Variants in BMPER observed in about 807,000 individuals in gnomAD.
The protein encoded by BMPER is BMP-binding endothelial regulator protein.
Under a neutral mutation model 87.3 loss-of-function variants are expected in BMPER, and 45 were observed. The observed-to-expected ratio is 0.52, with a 90% CI of 0.41 to 0.66. BMPER has a LOEUF of 0.66. Among genes scored for constraint, BMPER ranks in the 30% least tolerant of loss-of-function variants. BMPER has a pLI of 0.00. For missense variants in BMPER, 784 were observed against 867.5 expected (o/e 0.90, Z 1.21); for synonymous variants, 326 against 316.2 (o/e 1.03, Z -0.33).
In BMPER at chr7:34,115,668, C is replaced by T. The variant is rs186639876; in HGVS notation, c.1746-27562C>T. Among the ~76,000 whole-genome samples the T allele has an allele frequency of 1.4e-3, 220 of 152,344 alleles. 1 individual carries two copies. Among genetic ancestry groups the T allele is most frequent in the Non-Finnish European group, 2.4e-3 (165 of 68,034 alleles). On this transcript the variant is annotated intron_variant, in intron 13 of 14. Transcript: ENST00000649409. ...TCCATATTGTAGCATGTATCAGTAA[C>T]TCAGTCCTTTTCATGGTCAAATAAT...
At chr7:33,960,754 G>C (rs1203189174) in intron 3 of BMPER, among the ~76,000 whole-genome samples, 1 of 152,200 alleles carries the variant, frequency 6.6e-6, no homozygotes, top group Non-Finnish European at 1.5e-5. Context: ...ACATACCTAA[G>C]AGAAAACAGG....
intron 6 of BMPER, among the ~76,000 whole-genome samples, chr7:34,036,108 T>C (rs1406869825): frequency 6.6e-6 from 1 of 152,142 alleles, no homozygotes; most frequent in Non-Finnish European, 1.5e-5. Context: ...TCATAACTCA[T>C]AGGAGGTGTG....
intron 6 of BMPER, among the ~76,000 whole-genome samples, chr7:33,985,126 G>A (rs972902997): frequency 6.6e-6 from 1 of 152,138 alleles, no homozygotes; most frequent in African/African-American, 2.4e-5. Context: ...AGCCTTTCTT[G>A]TGCCACATAT....
At chr7:34,080,834 C>T (rs535672263) in intron 12 of BMPER, among the ~76,000 whole-genome samples, 14 of 152,236 alleles carry the variant, frequency 9.2e-5, no homozygotes, top group African/African-American at 2.9e-4. Context: ...GTGTTCCATT[C>T]GCAGCTGACA....
At chr7:33,960,613 A>G (rs1425385011) in intron 3 of BMPER, among the ~76,000 whole-genome samples, 1 of 152,220 alleles carries the variant, frequency 6.6e-6, no homozygotes, top group Non-Finnish European at 1.5e-5. Context: ...TTAAAAAAGC[A>G]GTTGAGAATA....
At chr7:34,067,181 C>T (rs1788615037) in intron 11 of BMPER, 1 of 152,192 alleles carries the variant, frequency 6.6e-6, no homozygotes. Flanking sequence ...TGCCAGGTGA[C>T]TTTTTAAACC....
chr7:33,963,405 G>A (rs1219374866), intron 3 of BMPER, among the ~76,000 whole-genome samples: 1 of 152,076 alleles, frequency 6.6e-6, no homozygotes, highest in East Asian at 1.9e-4. Flanking sequence ...AATAATAAAA[G>A]TTGGGCTTAT....
intron 13 of BMPER, among the ~76,000 whole-genome samples, chr7:34,126,420 A>C (rs772385879): frequency 5.3e-5 from 8 of 152,188 alleles, no homozygotes; most frequent in Non-Finnish European, 1.5e-5. Context: ...CTTTTGATTA[A>C]AGGAGTTTTA....
intron 1 of BMPER, among the ~76,000 whole-genome samples, chr7:33,905,969 A>G (rs1783804916): frequency 6.6e-6 from 1 of 152,178 alleles, no homozygotes; most frequent in Non-Finnish European, 1.5e-5. Context: ...AATAATAGAC[A>G]TTCTTCTATT....
chr7:34,030,903 A>G (rs777472002), intron 6 of BMPER, among the ~76,000 whole-genome samples: 3 of 151,944 alleles, frequency 2.0e-5, no homozygotes, highest in Non-Finnish European at 2.9e-5. Context: ...GTGCCTCCCT[A>G]TACATTGATT....
In BMPER at chr7:34,028,537, C is replaced by G. The variant is rs1787420886; in HGVS notation, c.577-17769C>G. 2.2e-5 allele frequency among the ~76,000 whole-genome samples: 3 copies of G among 137,504 alleles called. No individual in the cohort carries two copies. The Admixed American group carries it at 2.3e-4, about 10-fold the overall frequency. 90.2% of individuals were successfully genotyped at this position (137,504 alleles called of 152,430 possible). A position where few individuals can be genotyped will look rare whatever the true frequency, so the allele number is the denominator to read the frequency against. On this transcript the variant is annotated intron_variant, in intron 6 of 14. Coordinates refer to ENST00000649409, the MANE Select transcript of BMPER (RefSeq NM_001365308.1). The stretch of plus-strand genomic sequence containing the variant: ...AACCACTAGTCTAAGCTATACTTTT[C>G]ATATGTGATGGCATCAACTAAGAAT...
chr7:33,969,016 C>G (rs2128618226), intron 4 of BMPER, among the ~76,000 whole-genome samples: 1 of 152,216 alleles, frequency 6.6e-6, no homozygotes, highest in South Asian at 2.1e-4. Flanking sequence ...ATTGCTAGTA[C>G]TTTAGTTGTT....
At chr7:34,002,618 G>T (rs2127935970) in intron 6 of BMPER, among the ~76,000 whole-genome samples, 1 of 151,872 alleles carries the variant, frequency 6.6e-6, no homozygotes, top group East Asian at 1.9e-4. Context: ...ATTGAAAGTA[G>T]AGTATTGAAT....
intron 13 of BMPER, among the ~76,000 whole-genome samples, chr7:34,089,436 G>A (rs1789316112): frequency 6.6e-6 from 1 of 152,056 alleles, no homozygotes; most frequent in Non-Finnish European, 1.5e-5. Flanking sequence ...TAATGACAAT[G>A]TCTCTGAATT....
intron 4 of BMPER, among the ~76,000 whole-genome samples, chr7:33,969,672 T>C (rs1785489590): frequency 6.6e-6 from 1 of 152,254 alleles, no homozygotes; most frequent in Non-Finnish European, 1.5e-5. Context: ...GTGCTGGGAT[T>C]ATAGGCGTGA....
chr7:34,132,585 A>T (rs1790622551), intron 13 of BMPER, among the ~76,000 whole-genome samples: 1 of 152,206 alleles, frequency 6.6e-6, no homozygotes, highest in Non-Finnish European at 1.5e-5. Flanking sequence ...GACGGTATGT[A>T]TCTATGTTGG....
At chr7:34,092,334 C>T (rs867354679) in intron 13 of BMPER, among the ~76,000 whole-genome samples, 3 of 152,274 alleles carry the variant, frequency 2.0e-5, no homozygotes, top group South Asian at 2.1e-4. Flanking sequence ...GTCTCTTGGA[C>T]CCCCTGGTTC....
At chr7:33,978,765 G>C (rs915677895) in intron 6 of BMPER, among the ~76,000 whole-genome samples, 13 of 152,150 alleles carry the variant, frequency 8.5e-5, no homozygotes, top group Non-Finnish European at 1.9e-4. Flanking sequence ...CCGTAGCTTA[G>C]CCTAGCCTGT....
At chr7:34,005,542 G>A (rs1218812545) in intron 6 of BMPER, among the ~76,000 whole-genome samples, 1 of 151,644 alleles carries the variant, frequency 6.6e-6, no homozygotes, top group Non-Finnish European at 1.5e-5. Flanking sequence ...TGAACTTCTG[G>A]GCTCAGGCAA....
Sources: allele counts gnomAD v4.1 joint callset (sites outside exome capture counted in the v4.1 genomes callset), GRCh38; gene constraint gnomAD v4.1.1; transcripts MANE v1.5; gene names NCBI Gene and HGNC (gene_info 2026-07-23, HGNC 2026-07-21).